Variants in PCLO observed in about 807,000 individuals in gnomAD.
PCLO encodes the protein piccolo presynaptic cytomatrix protein.
PCLO carries 82 observed loss-of-function variants against 427.5 expected under a neutral mutation model. The observed-to-expected ratio is 0.19, with a 90% CI of 0.16 to 0.23. PCLO has a LOEUF of 0.23. Among genes scored for constraint, PCLO ranks in the 10% least tolerant of loss-of-function variants. The pLI is 1.00. For missense variants in PCLO, 6,239 were observed against 6,115.9 expected (o/e 1.02, Z -0.67); for synonymous variants, 2,357 against 2,155.4 (o/e 1.09, Z -2.59).
rs1388552232 is a variant in PCLO, at chr7:82,827,908, G to T, written c.14308C>A (p.Gln4770Lys). The T allele has an allele frequency of 6.3e-7, 1 of 1,599,816 alleles. No homozygotes were observed. Among genetic ancestry groups the T allele is most frequent in the South Asian group, 1.1e-5 (1 of 90,438 alleles). The change falls in exon 17 of 25, where the codon CAA becomes AAA. Residue 4770 changes from glutamine to lysine, a missense_variant. Transcript: ENST00000333891. ...GAAATACTTTTATAAATTACTGTTTGATTCCACTCAGGATTAAGACTTTTC... is the reference window on the plus strand; with the variant it reads ...GAAATACTTTTATAAATTACTGTTTTATTCCACTCAGGATTAAGACTTTTC... ...VQKSLNPEWN[Q>K]TVIYKSISME...
chr7:82,838,590 T>A (rs1792287489), intron 14 of PCLO, among the ~76,000 whole-genome samples: 1 of 152,080 alleles, frequency 6.6e-6, no homozygotes, highest in African/African-American at 2.4e-5. Context: ...TAAAAGTTTA[T>A]TTAGAAGGAA....
intron 3 of PCLO, among the ~76,000 whole-genome samples, chr7:83,003,607 G>A (rs1189618229): frequency 6.6e-6 from 1 of 151,768 alleles, no homozygotes; most frequent in African/African-American, 2.4e-5. Flanking sequence ...TGAGATGATA[G>A]GATTTTATCC....
At chr7:83,028,181 A>G (rs941053072) in intron 3 of PCLO, among the ~76,000 whole-genome samples, 5 of 152,178 alleles carry the variant, frequency 3.3e-5, no homozygotes, top group African/African-American at 7.2e-5. Flanking sequence ...CTCTTTGCAG[A>G]TGACATGATT....
chr7:83,137,913 G>A (rs1023462864), intron 2 of PCLO, among the ~76,000 whole-genome samples: 4 of 152,002 alleles, frequency 2.6e-5, no homozygotes, highest in Non-Finnish European at 4.4e-5. Flanking sequence ...CATGACAAAA[G>A]GCAGGCAAAA....
intron 10 of PCLO, among the ~76,000 whole-genome samples, chr7:82,866,837 T>C (rs1793106970): frequency 6.6e-6 from 1 of 152,076 alleles, no homozygotes; most frequent in African/African-American, 2.4e-5. Flanking sequence ...TTAAAATAAA[T>C]GAGAACCTTA....
intron 2 of PCLO, among the ~76,000 whole-genome samples, chr7:83,152,967 T>C (rs1034768410): frequency 3.9e-5 from 6 of 152,146 alleles, no homozygotes; most frequent in South Asian, 2.1e-4. Flanking sequence ...CTTTCTTACA[T>C]TGGATGTAGA....
intron 3 of PCLO, among the ~76,000 whole-genome samples, chr7:83,096,650 C>T (rs1213899451): frequency 7.0e-6 from 1 of 142,930 alleles, no homozygotes; most frequent in Admixed American, 7.8e-5. Context: ...GTCTTATAGT[C>T]TCTAATTTGT....
chr7:82,829,042 G>C (rs573120582), intron 16 of PCLO, among the ~76,000 whole-genome samples: 1 of 152,026 alleles, frequency 6.6e-6, no homozygotes, highest in Admixed American at 6.6e-5. Context: ...TACATTCCTG[G>C]TCTCAAGTAT....
At chr7:82,987,330 G>A (rs1562900530) in intron 3 of PCLO, among the ~76,000 whole-genome samples, 1 of 151,914 alleles carries the variant, frequency 6.6e-6, no homozygotes, top group Non-Finnish European at 1.5e-5. Flanking sequence ...CATGAGTTCT[G>A]GGGGACTTAA....
chr7:82,877,959 G>A (rs2116035368), intron 10 of PCLO, among the ~76,000 whole-genome samples: 1 of 152,280 alleles, frequency 6.6e-6, no homozygotes, highest in East Asian at 1.9e-4. Context: ...GGGATTACAG[G>A]TGTGAGCCAC....
At chr7:82,857,078 T>C (rs1562821243) in intron 10 of PCLO, among the ~76,000 whole-genome samples, 1 of 152,196 alleles carries the variant, frequency 6.6e-6, no homozygotes, top group Non-Finnish European at 1.5e-5. Flanking sequence ...ACTGTGATCT[T>C]AGACTTATCA....
chr7:82,967,489 A>G (rs1238439111), intron 3 of PCLO, among the ~76,000 whole-genome samples: 2 of 151,886 alleles, frequency 1.3e-5, no homozygotes, highest in Non-Finnish European at 2.9e-5. Flanking sequence ...ATTTTCTTAT[A>G]TTGCTGCTCT....
chr7:82,864,685 CTTTAA>C (rs936359437), intron 10 of PCLO, among the ~76,000 whole-genome samples: 8 of 152,016 alleles, frequency 5.3e-5, no homozygotes, highest in African/African-American at 1.7e-4. Flanking sequence ...AAACGTTATA[CTTTAA>C]TTTATTCAGT....
chr7:82,874,099 T>C (rs566638012), intron 10 of PCLO, among the ~76,000 whole-genome samples: 1 of 152,118 alleles, frequency 6.6e-6, no homozygotes, highest in East Asian at 1.9e-4. Context: ...AAACCGCACA[T>C]ATCGTTTTAT....
At chr7:82,796,125 A>T (rs1791218114) in intron 22 of PCLO, among the ~76,000 whole-genome samples, 1 of 152,202 alleles carries the variant, frequency 6.6e-6, no homozygotes, top group Middle Eastern at 3.2e-3. Context: ...AATTTAATTC[A>T]TTTAACTTTT....
intron 10 of PCLO, among the ~76,000 whole-genome samples, chr7:82,865,858 TG>T (rs1793079494): frequency 6.6e-6 from 1 of 152,170 alleles, no homozygotes; most frequent in South Asian, 2.1e-4. Context: ...CAACTCTCCT[TG>T]CTTCTACTCT....
chr7:82,930,240 C>A (rs1335223370), intron 6 of PCLO, among the ~76,000 whole-genome samples: 1 of 152,106 alleles, frequency 6.6e-6, no homozygotes, highest in Non-Finnish European at 1.5e-5. Flanking sequence ...AACACAAGTA[C>A]ACGTATGTCC....
At chr7:82,895,540 T>G (rs2116150622) in intron 9 of PCLO, among the ~76,000 whole-genome samples, 2 of 151,772 alleles carry the variant, frequency 1.3e-5, no homozygotes, top group Admixed American at 1.3e-4. Flanking sequence ...AAAAATTGGG[T>G]CTTTGAAAAG....
At chr7:83,079,959 G>A (rs1023142160) in intron 3 of PCLO, among the ~76,000 whole-genome samples, 3 of 151,926 alleles carry the variant, frequency 2.0e-5, no homozygotes, top group African/African-American at 7.3e-5. Flanking sequence ...ACTTATAAGT[G>A]AGAACATGTG....
Sources: allele counts gnomAD v4.1 joint callset (sites outside exome capture counted in the v4.1 genomes callset), GRCh38; gene constraint gnomAD v4.1.1; transcripts MANE v1.5; gene names NCBI Gene and HGNC (gene_info 2026-07-23, HGNC 2026-07-21).